Variants in ZNF536 observed in about 807,000 individuals in gnomAD.
ZNF536 encodes the protein zinc finger protein 536.
A neutral mutation model predicts 84.5 loss-of-function variants in ZNF536; 13 were observed. The ratio of observed to expected loss-of-function variants is 0.15; its 90% CI spans 0.10 to 0.24. ZNF536 has a LOEUF of 0.24. Among genes scored for constraint, ZNF536 ranks in the 10% least tolerant of loss-of-function variants. ZNF536 has a pLI of 1.00. For missense variants in ZNF536, 1,536 were observed against 1,747.5 expected, an observed-to-expected ratio of 0.88 and a Z score of 2.16; for synonymous variants, 811 against 742.5, an observed-to-expected ratio of 1.09 and a Z score of -1.50.
chr19:30,470,077 C>T (rs987507309), intron 2 of ZNF536, among the ~76,000 whole-genome samples: 3 of 152,236 alleles, frequency 2.0e-5, no homozygotes, highest in African/African-American at 4.8e-5. Flanking sequence ...ACAGCCTCCT[C>T]CCAGGTGAGT....
chr19:30,614,942 ATTTTTTTT>A lies in ZNF536; in HGVS notation c.169+65443_169+65450del, dbSNP rs555419932. On this transcript the variant is annotated intron_variant, in intron 1 of 1. Transcript: ENST00000592773. ...TTTTCTTTTATTCTCCCCCTTTTCA[ATTTTTTTT>A]TTTTTTTTTTTTTTGAGGCGGAGTT... Among the ~76,000 whole-genome samples, 2 of 32,312 alleles carry A rather than the reference ATTTTTTTT, an allele frequency of 6.2e-5. 1 individual carries two copies. The highest frequency in any genetic ancestry group is 6.0e-3 in the East Asian group (2 of 334). The allele number at this position is 32,312 out of a possible 152,430, so 21.2% of individuals were successfully genotyped here.
At position 30,520,481 on chromosome 19, in the gene ZNF536, G is replaced by A. The variant is rs190491076; in HGVS notation, c.2171-14366G>A. Reference sequence around the variant, plus strand: ...CATCCCAGTGCCCACATCCCCCCAGGTCCTCATACCCCCAACTCCTTCACC... The same window carrying A: ...CATCCCAGTGCCCACATCCCCCCAGATCCTCATACCCCCAACTCCTTCACC... On this transcript the variant is annotated intron_variant, in intron 2 of 4. Coordinates refer to ENST00000355537, the MANE Select transcript of ZNF536 (RefSeq NM_014717.3). Among the ~76,000 whole-genome samples the A allele has an allele frequency of 1.6e-4, 25 of 152,172 alleles. No homozygotes were observed. The East Asian group carries it at 4.8e-3, about 29-fold the overall frequency.
Position 30,548,798 on chromosome 19 carries a change from A to G in ZNF536, c.3179A>G (p.Asn1060Ser), listed in dbSNP as rs2045656891. ...GCCCTGCTGCCCTCGTTACAATCAAACAAAGACCTGGGCCTCTCCAATATG... is the reference window on the plus strand; with the variant it reads ...GCCCTGCTGCCCTCGTTACAATCAAGCAAAGACCTGGGCCTCTCCAATATG... ...KMALLPSLQS[N>S]KDLGLSNMIS... Residue 1060 changes from asparagine to serine, a missense_variant, in exon 4 of 5, where the codon AAC becomes AGC. Around this residue, in one of 8 missense-constraint regions of ZNF536, gnomAD observed 624 missense variants for 603.1 expected, o/e 1.03. Transcript: ENST00000355537. 2 of 1,613,774 alleles carry G rather than the reference A, an allele frequency of 1.2e-6. No individual in the cohort carries two copies. Among genetic ancestry groups the G allele is most frequent in the Non-Finnish European group, 1.7e-6 (2 of 1,180,006 alleles).
At chr19:30,649,549 CTTTTTTTT>C (rs35137042) in intron 1 of ZNF536, among the ~76,000 whole-genome samples, 8 of 123,882 alleles carry the variant, frequency 6.5e-5, no homozygotes. Flanking sequence ...CAGCATTTTC[CTTTTTTTT>C]TTTTTTTTTT....
chr19:30,659,937 C>A (rs2050060915), intron 1 of ZNF536, among the ~76,000 whole-genome samples: 1 of 149,260 alleles, frequency 6.7e-6, no homozygotes, highest in African/African-American at 2.5e-5. Flanking sequence ...TTGCTCCTAC[C>A]CTGTTTGACA....
chr19:30,449,149 C>T (rs1052860222), intron 2 of ZNF536, among the ~76,000 whole-genome samples: 1 of 152,200 alleles, frequency 6.6e-6, no homozygotes, highest in African/African-American at 2.4e-5. Context: ...ATCACTTCCC[C>T]ATCTTCCCCC....
intron 1 of ZNF536, among the ~76,000 whole-genome samples, chr19:30,429,803 A>G (rs971497617): frequency 2.0e-5 from 3 of 152,228 alleles, no homozygotes; most frequent in Non-Finnish European, 4.4e-5. Flanking sequence ...AGCAAGTACG[A>G]GAATGCTGAA....
At chr19:30,628,619 CG>C (rs2048777118) in intron 1 of ZNF536, among the ~76,000 whole-genome samples, 1 of 151,916 alleles carries the variant, frequency 6.6e-6, no homozygotes, top group African/African-American at 2.4e-5. Context: ...TTAGTAGAGT[CG>C]GGGTTTCACC....
At chr19:30,541,137 G>T (rs1470818299) in intron 3 of ZNF536, among the ~76,000 whole-genome samples, 1 of 152,214 alleles carries the variant, frequency 6.6e-6, no homozygotes, top group East Asian at 1.9e-4. Context: ...CCGAGCAGTG[G>T]CTGGTACATA....
intron 1 of ZNF536, among the ~76,000 whole-genome samples, chr19:30,649,366 T>C (rs1568635684): frequency 6.6e-6 from 1 of 152,314 alleles, no homozygotes; most frequent in East Asian, 1.9e-4. Flanking sequence ...CAGGGGGACA[T>C]ACACAGCTGT....
chr19:30,445,158 C>T lies in ZNF536; in HGVS notation c.1596C>T (p.Ala532=), dbSNP rs2052260314. ...QAWQLMARGM[A]MEHGFLSKEH... ...GGCAGCTCATGGCCAGGGGCATGGC[C>T]ATGGAACATGGCTTCTTGTCTAAAG... Residue 532 remains alanine, a synonymous_variant, in exon 2 of 5, where the codon GCC becomes GCT. Transcript: ENST00000355537. This position sits in a 1 kb window ranked among gnomAD's most constrained non-coding sequence, Gnocchi z 4.5. 6.2e-7 allele frequency: 1 copy of T among 1,614,000 alleles called. No homozygotes were observed. Among genetic ancestry groups the T allele is most frequent in the Non-Finnish European group, 8.5e-7 (1 of 1,180,042 alleles).
intron 1 of ZNF536, among the ~76,000 whole-genome samples, chr19:30,648,877 CCT>C (rs1245288393): frequency 6.6e-6 from 1 of 152,204 alleles, no homozygotes; most frequent in Admixed American, 6.5e-5. Flanking sequence ...CTGGTGCAGA[CCT>C]AGTTCGAAAT....
At position 30,427,294 on chromosome 19, in the gene ZNF536, TG is replaced by T. The variant is rs1297784152; in HGVS notation, c.-2-16266del. ...AACTCTCATTCATGGGATGCAGAGA[TG>T]CTTGCCAAGTAGTTGAGGAGAATGT... On this transcript the variant is annotated intron_variant, in intron 1 of 4. Transcript: ENST00000355537. 2.6e-5 allele frequency among the ~76,000 whole-genome samples: 4 copies of T among 152,190 alleles called. No individual in the cohort carries two copies. The East Asian group carries it at 7.7e-4, about 29-fold the overall frequency.
At chr19:30,483,951 C>T (rs1016525497) in intron 2 of ZNF536, among the ~76,000 whole-genome samples, 7 of 152,024 alleles carry the variant, frequency 4.6e-5, no homozygotes, top group African/African-American at 1.5e-4. Flanking sequence ...GTGTGTTCAG[C>T]TCTCTCTACT....
rs373986905 is a variant in ZNF536 at position 30,445,763 on chromosome 19, C to T, written c.2170+31C>T. On this transcript the variant is annotated intron_variant, in intron 2 of 4. Transcript: ENST00000355537. This position sits in a 1 kb window ranked among gnomAD's most constrained non-coding sequence, Gnocchi z 4.5. ...TTAGCTGAGAAGCGGGGAGAAGCAG[C>T]TTGTACAGCAGCCCTGCTCAGGGCT... 1.8e-3 allele frequency: 2,690 copies of T among 1,528,064 alleles called. 2 individuals are homozygous for T. Among genetic ancestry groups the T allele is most frequent in the Admixed American group, 4.4e-3 (210 of 47,682 alleles). 94.7% of individuals were successfully genotyped at this position (1,528,064 alleles called of 1,614,324 possible).
At chr19:30,574,167 A>G (rs2046648200) in intron 1 of ZNF536, among the ~76,000 whole-genome samples, 1 of 152,240 alleles carries the variant, frequency 6.6e-6, no homozygotes, top group Admixed American at 6.5e-5. Flanking sequence ...GAACTATAGC[A>G]GCCTTAAAAT....
chr19:30,426,010 C>T (rs1211512736), intron 1 of ZNF536, among the ~76,000 whole-genome samples: 3 of 152,076 alleles, frequency 2.0e-5, no homozygotes, highest in African/African-American at 7.2e-5. Context: ...TCAGGGTTCC[C>T]CTCCCAGCAG....
intron 1 of ZNF536, among the ~76,000 whole-genome samples, chr19:30,601,406 T>C (rs1186414813): frequency 6.6e-6 from 1 of 152,110 alleles, no homozygotes; most frequent in Non-Finnish European, 1.5e-5. Flanking sequence ...CATGGCAGGA[T>C]TAGGACCCTC....
Position 30,413,787 on chromosome 19 carries a change from T to C in ZNF536, c.-2-29774T>C, listed in dbSNP as rs187448710. Among the ~76,000 whole-genome samples, 188 of 152,152 alleles carry C rather than the reference T, an allele frequency of 1.2e-3. 1 individual carries two copies. Among genetic ancestry groups the C allele is most frequent in the Non-Finnish European group, 3.1e-4 (21 of 67,990 alleles). On this transcript the variant is annotated intron_variant, in intron 1 of 4. Coordinates refer to ENST00000355537, the MANE Select transcript of ZNF536 (RefSeq NM_014717.3). ...GTTCTTTGATAGACTGTATTCTTTC[T>C]TGACATAAAAATTCCCTGTACTGGC...
Sources: gnomAD v4.1 joint callset for allele counts (sites outside exome capture counted in the v4.1 genomes callset) on GRCh38, gnomAD v4.1.1 for gene constraint, gnomAD v4.1.1 regional missense constraint, Gnocchi (gnomAD v3.1) non-coding constraint, MANE v1.5 for transcripts, NCBI Gene and HGNC (gene_info 2026-07-23, HGNC 2026-07-21) for gene names.